The following GRID2 variants were observed in gnomAD, a reference collection of about 807,000 sequenced individuals.
GRID2 encodes glutamate receptor ionotropic, delta-2.
A neutral mutation model predicts 114.8 loss-of-function variants in GRID2; 33 were observed. That is an observed-to-expected ratio of 0.29 (90% CI 0.22 to 0.38). GRID2 has a LOEUF of 0.38. Among genes scored for constraint, GRID2 ranks in the 10% least tolerant of loss-of-function variants. The pLI, the probability that GRID2 is intolerant of heterozygous loss-of-function variation, is 1.00. For synonymous variants in GRID2, 505 were observed against 449.9 expected, an observed-to-expected ratio of 1.12 and a Z score of -1.55; for missense variants, 1,184 against 1,257.7, an observed-to-expected ratio of 0.94 and a Z score of 0.89.
At chr4:92,657,827 T>A (rs1241687490) in intron 2 of GRID2, among the ~76,000 whole-genome samples, 3 of 151,766 alleles carry the variant, frequency 2.0e-5, no homozygotes, top group African/African-American at 7.2e-5. Flanking sequence ...AACATTGTCC[T>A]TCTATTCAGA....
intron 14 of GRID2, among the ~76,000 whole-genome samples, chr4:93,696,381 T>C (rs1241152939): frequency 6.6e-6 from 1 of 152,202 alleles, no homozygotes; most frequent in East Asian, 1.9e-4. Context: ...AACTTATCTC[T>C]GCAAAAATAA....
intron 8 of GRID2, among the ~76,000 whole-genome samples, chr4:93,275,555 G>A (rs1259480917): frequency 6.6e-6 from 1 of 151,468 alleles, no homozygotes; most frequent in Non-Finnish European, 1.5e-5. Flanking sequence ...GTCTCCATTG[G>A]CAATATACGA....
chr4:92,656,266 T>A (rs1174745284), intron 2 of GRID2, among the ~76,000 whole-genome samples: 1 of 151,752 alleles, frequency 6.6e-6, no homozygotes, highest in Non-Finnish European at 1.5e-5. Flanking sequence ...TATCTTATTA[T>A]GGCTTTAATT....
At chr4:93,213,674 T>G (rs114965615) in intron 5 of GRID2, among the ~76,000 whole-genome samples, 38 of 152,292 alleles carry the variant, frequency 2.5e-4, no homozygotes, top group African/African-American at 8.4e-4. Context: ...TCCCACAATC[T>G]TATTCATTTC....
At chr4:92,960,922 T>G (rs1752754446) in intron 2 of GRID2, among the ~76,000 whole-genome samples, 1 of 151,892 alleles carries the variant, frequency 6.6e-6, no homozygotes, top group Non-Finnish European at 1.5e-5. Context: ...TTCCTTGGTT[T>G]CTTATAAGTT....
At chr4:93,104,681 T>C (rs988791510) in intron 3 of GRID2, among the ~76,000 whole-genome samples, 12 of 152,288 alleles carry the variant, frequency 7.9e-5, no homozygotes, top group African/African-American at 2.4e-4. Flanking sequence ...TGTATATGTG[T>C]CACATTTTCT....
chr4:93,443,911 G>C (rs1721856067), intron 10 of GRID2, among the ~76,000 whole-genome samples: 1 of 151,546 alleles, frequency 6.6e-6, no homozygotes, highest in African/African-American at 2.4e-5. Context: ...GAGAGAGAGA[G>C]AGAGACATCT....
chr4:93,175,480 A>C (rs543838253), intron 4 of GRID2, among the ~76,000 whole-genome samples: 1 of 152,112 alleles, frequency 6.6e-6, no homozygotes, highest in African/African-American at 2.4e-5. Flanking sequence ...ATAATGCTTA[A>C]TAATGATAAA....
At chr4:93,647,621 T>A (rs926515018) in intron 14 of GRID2, among the ~76,000 whole-genome samples, 5 of 152,176 alleles carry the variant, frequency 3.3e-5, no homozygotes, top group African/African-American at 1.2e-4. Context: ...GTCATATGTT[T>A]ACCCAAATCA....
At chr4:93,182,950 A>G (rs6842934) in intron 4 of GRID2, among the ~76,000 whole-genome samples, 10,341 of 152,264 alleles carry the variant, frequency 0.068, 1,031 homozygotes, top group African/African-American at 0.22. Context: ...CCTACAATTT[A>G]TGTTTGCGAA....
rs113963032 is a variant in GRID2, at chr4:93,709,306, C to A, written c.2361-59904C>A. On this transcript the variant is annotated intron_variant, in intron 14 of 15. Coordinates refer to ENST00000282020, the MANE Select transcript of GRID2 (RefSeq NM_001510.4). ...TGTCAAAATTCCTTGGCTTTTATTTCTCATGGAAAGTATTTCTCCTTTGTG... is the reference window on the plus strand; with the variant it reads ...TGTCAAAATTCCTTGGCTTTTATTTATCATGGAAAGTATTTCTCCTTTGTG... Among the ~76,000 whole-genome samples the A allele has an allele frequency of 3.0e-3, 460 of 152,172 alleles. 3 individuals carry two copies. The highest frequency in any genetic ancestry group is 0.011 in the African/African-American group (437 of 41,550).
At chr4:93,724,079 A>G (rs556945652) in intron 14 of GRID2, among the ~76,000 whole-genome samples, 145 of 152,318 alleles carry the variant, frequency 9.5e-4, no homozygotes, top group African/African-American at 3.4e-3. Flanking sequence ...GTGAATGATG[A>G]AGACATTAAA....
At chr4:93,441,222 A>G (rs182995587) in intron 10 of GRID2, among the ~76,000 whole-genome samples, 20 of 152,158 alleles carry the variant, frequency 1.3e-4, no homozygotes, top group African/African-American at 4.1e-4. Context: ...ACATCCAAGC[A>G]TATAAGAGGT....
At chr4:93,444,793 A>C (rs994692315) in intron 10 of GRID2, among the ~76,000 whole-genome samples, 1 of 152,038 alleles carries the variant, frequency 6.6e-6, no homozygotes, top group African/African-American at 2.4e-5. Flanking sequence ...CTAAGATTAC[A>C]TTACATTATG....
intron 13 of GRID2, among the ~76,000 whole-genome samples, chr4:93,548,040 G>A (rs773386361): frequency 2.5e-4 from 38 of 151,990 alleles, no homozygotes; most frequent in Non-Finnish European, 4.1e-4. Flanking sequence ...AGCTGGGCAC[G>A]GTGGTGCGCA....
intron 11 of GRID2, among the ~76,000 whole-genome samples, chr4:93,489,092 G>T (rs1303038262): frequency 6.6e-6 from 1 of 151,896 alleles, no homozygotes; most frequent in African/African-American, 2.4e-5. Flanking sequence ...ATAAAGGACG[G>T]AAATAAACAA....
At chr4:93,265,754 G>C (rs767049172) in intron 8 of GRID2, among the ~76,000 whole-genome samples, 26 of 152,228 alleles carry the variant, frequency 1.7e-4, no homozygotes, top group South Asian at 1.0e-3. Flanking sequence ...GTCCACTGAA[G>C]GAATAAAGGT....
chr4:92,427,129 T>C (rs916893731), intron 1 of GRID2, among the ~76,000 whole-genome samples: 1 of 152,192 alleles, frequency 6.6e-6, no homozygotes, highest in South Asian at 2.1e-4. Context: ...TAACTTCCTA[T>C]ACTCTGATCC....
intron 1 of GRID2, among the ~76,000 whole-genome samples, chr4:92,578,733 A>T (rs62310099): frequency 0.38 from 56,387 of 149,208 alleles, 10,636 homozygotes; most frequent in Middle Eastern, 0.44. Flanking sequence ...TCTATCTATC[A>T]ATCTATCTAT....
Sources: allele counts gnomAD v4.1 joint callset (sites outside exome capture counted in the v4.1 genomes callset), GRCh38; gene constraint gnomAD v4.1.1; transcripts MANE v1.5; gene names NCBI Gene and HGNC (gene_info 2026-07-23, HGNC 2026-07-21).